The following ZNF407 variants were observed in gnomAD, a reference collection of about 807,000 sequenced individuals.
ZNF407 encodes zinc finger protein 407.
Under a neutral mutation model 131.2 loss-of-function variants are expected in ZNF407, and 17 were observed. The ratio of observed to expected loss-of-function variants is 0.13; its 90% CI spans 0.09 to 0.19. ZNF407 has a LOEUF of 0.19. Among genes scored for constraint, ZNF407 ranks in the 10% least tolerant of loss-of-function variants. ZNF407 has a pLI of 1.00. For synonymous variants in ZNF407, 1,156 were observed against 1,062.0 expected, an observed-to-expected ratio of 1.09 and a Z score of -1.72; for missense variants, 2,681 against 2,830.6, an observed-to-expected ratio of 0.95 and a Z score of 1.20.
chr18:74,843,418 A>G (rs887452951), intron 4 of ZNF407, among the ~76,000 whole-genome samples: 2 of 152,214 alleles, frequency 1.3e-5, no homozygotes, highest in African/African-American at 4.8e-5. Context: ...GTGGAGACAT[A>G]TATATATCTT....
chr18:74,701,021 G>C (rs1568173103), intron 3 of ZNF407, among the ~76,000 whole-genome samples: 1 of 152,144 alleles, frequency 6.6e-6, no homozygotes, highest in Non-Finnish European at 1.5e-5. Context: ...TCTTAAGGGT[G>C]GGGTCCTCAT....
chr18:74,817,931 T>C (rs1371800151), intron 4 of ZNF407, among the ~76,000 whole-genome samples: 2 of 152,236 alleles, frequency 1.3e-5, no homozygotes, highest in African/African-American at 4.8e-5. Context: ...ATGGGTTGGT[T>C]ATCTGCACTC....
chr18:74,625,581 G>T (rs1983751975), intron 1 of ZNF407, among the ~76,000 whole-genome samples: 1 of 152,128 alleles, frequency 6.6e-6, no homozygotes, highest in Non-Finnish European at 1.5e-5. Context: ...TTCTGTTACA[G>T]ATTTTTTAAA....
chr18:74,964,369 C>T (rs1290440505), intron 8 of ZNF407, among the ~76,000 whole-genome samples: 1 of 152,188 alleles, frequency 6.6e-6, no homozygotes, highest in African/African-American at 2.4e-5. Context: ...GCTTTATGCC[C>T]TCTCAGGATT....
chr18:74,744,681 C>G (rs904816175), intron 3 of ZNF407, among the ~76,000 whole-genome samples: 2 of 151,702 alleles, frequency 1.3e-5, no homozygotes, highest in African/African-American at 4.8e-5. Context: ...GGATTGTTTT[C>G]AACAGTCACA....
intron 1 of ZNF407, among the ~76,000 whole-genome samples, chr18:74,617,584 T>G (rs1983370921): frequency 1.3e-5 from 2 of 152,336 alleles, no homozygotes; most frequent in Admixed American, 1.3e-4. Context: ...TTCCTCTTTT[T>G]GTATTGTCCA....
chr18:74,991,548 C>CATAT (rs746138055), intron 8 of ZNF407, among the ~76,000 whole-genome samples: 12 of 152,280 alleles, frequency 7.9e-5, no homozygotes, highest in Middle Eastern at 6.8e-3. Flanking sequence ...ATAGCATATA[C>CATAT]ATATATATTC....
At chr18:74,819,177 A>G (rs1296413806) in intron 4 of ZNF407, among the ~76,000 whole-genome samples, 1 of 152,212 alleles carries the variant, frequency 6.6e-6, no homozygotes, top group Non-Finnish European at 1.5e-5. Flanking sequence ...AGGCCGGAAA[A>G]AAAATAGCTG....
chr18:74,808,121 C>T (rs553904306), intron 4 of ZNF407, among the ~76,000 whole-genome samples: 2 of 152,204 alleles, frequency 1.3e-5, no homozygotes, highest in East Asian at 3.9e-4. Context: ...TCAGATGATT[C>T]TCCTACCTCA....
At chr18:74,622,062 A>G (rs2032696264) in intron 1 of ZNF407, among the ~76,000 whole-genome samples, 1 of 152,036 alleles carries the variant, frequency 6.6e-6, no homozygotes. Flanking sequence ...AAACCTTTTC[A>G]TGGAAGAGTG....
At chr18:74,685,449 C>T (rs1206294512) in intron 3 of ZNF407, among the ~76,000 whole-genome samples, 2 of 152,170 alleles carry the variant, frequency 1.3e-5, no homozygotes, top group Non-Finnish European at 2.9e-5. Flanking sequence ...GACCCTCTGT[C>T]CTCCCTCCTC....
At chr18:74,698,962 G>A (rs962728243) in intron 3 of ZNF407, among the ~76,000 whole-genome samples, 1 of 152,022 alleles carries the variant, frequency 6.6e-6, no homozygotes, top group Non-Finnish European at 1.5e-5. Flanking sequence ...GGAAAAATTC[G>A]AATTTGTTGT....
At chr18:74,691,723 C>T (rs1236852970) in intron 3 of ZNF407, among the ~76,000 whole-genome samples, 1 of 152,028 alleles carries the variant, frequency 6.6e-6, no homozygotes, top group East Asian at 1.9e-4. Context: ...TTGTAGTATT[C>T]AAGATAATTT....
chr18:75,050,609 A>G (rs1973489125), intron 8 of ZNF407, among the ~76,000 whole-genome samples: 1 of 152,228 alleles, frequency 6.6e-6, no homozygotes, highest in African/African-American at 2.4e-5. Context: ...CGCAGAATTC[A>G]GGGAGCCCAA....
chr18:74,713,211 AG>A (rs1967807587), intron 3 of ZNF407, among the ~76,000 whole-genome samples: 1 of 152,180 alleles, frequency 6.6e-6, no homozygotes, highest in Admixed American at 6.5e-5. Context: ...GGAACACACC[AG>A]GGGTTTGGAA....
intron 1 of ZNF407, among the ~76,000 whole-genome samples, chr18:74,630,264 G>A (rs1015288265): frequency 6.8e-6 from 1 of 146,626 alleles, no homozygotes; most frequent in African/African-American, 2.5e-5. Context: ...TCCGCCTCCC[G>A]GGTTCACGCC....
chr18:74,903,200 C>T lies in ZNF407; in HGVS notation c.5249+13162C>T, dbSNP rs539161832. Among the ~76,000 whole-genome samples, 10 of 152,308 alleles carry T rather than the reference C, an allele frequency of 6.6e-5. 1 individual carries two copies. The South Asian group carries it at 1.9e-3, about 28-fold the overall frequency. On this transcript the variant is annotated intron_variant, in intron 7 of 8. Transcript: ENST00000299687. ...TGTCCCAAGTGAAGCCAGCTTCCGG[C>T]TTGAACTCTCAGAAATATTGTGAAA...
At chr18:74,781,656 C>T (rs555177067) in intron 4 of ZNF407, among the ~76,000 whole-genome samples, 154 bp downstream of exon 4, 21 of 151,540 alleles carry the variant, frequency 1.4e-4, no homozygotes, top group African/African-American at 4.8e-4. Flanking sequence ...TTTATGCCAT[C>T]GTTTCACAAA....
At chr18:74,835,629 G>GGGGGTGT (rs1269272236) in intron 4 of ZNF407, among the ~76,000 whole-genome samples, 1 of 92,144 alleles carries the variant, frequency 1.1e-5, no homozygotes, top group South Asian at 4.0e-4. Context: ...GACAGAGGGG[G>GGGGGTGT]GTGTGTGTGT....
Sources: gnomAD v4.1 joint callset for allele counts (sites outside exome capture counted in the v4.1 genomes callset) on GRCh38, gnomAD v4.1.1 for gene constraint, MANE v1.5 for transcripts, NCBI Gene and HGNC (gene_info 2026-07-23, HGNC 2026-07-21) for gene names.